EEFSEC: variants seen among roughly 807,000 people sequenced by gnomAD.
EEFSEC encodes selenocysteine-specific elongation factor.
EEFSEC carries 43 observed loss-of-function variants against 42.1 expected under a neutral mutation model. The observed-to-expected ratio is 1.02, with a 90% CI of 0.80 to 1.32. The LOEUF (loss-of-function observed/expected upper bound fraction) is 1.32. EEFSEC is among the 40% of genes most tolerant of loss of function. EEFSEC has a pLI of 0.00. For missense variants in EEFSEC, 745 were observed against 803.6 expected, an observed-to-expected ratio of 0.93 and a Z score of 0.88; for synonymous variants, 354 against 339.1, an observed-to-expected ratio of 1.04 and a Z score of -0.48.
chr3:128,425,416 C>T, the EEFSEC span, among the ~76,000 whole-genome samples: 3 of 152,022 alleles, frequency 2.0e-5, no homozygotes, highest in East Asian at 5.8e-4. Context: ...GAAGGACACT[C>T]GGGCTGCTTC....
intron 2 of EEFSEC, 147 bp from the exon 3 acceptor site, chr3:128,261,981 C>T (rs865844139): frequency 2.7e-6 from 2 of 730,856 alleles, no homozygotes; most frequent in African/African-American, 1.8e-5. Flanking sequence ...TGTGCTAGTA[C>T]AGTGGTGCTG....
rs780390407 is a variant in EEFSEC, at chr3:128,362,292, G to A, written c.1600+3919G>A. 42 of 493,468 alleles carry A rather than the reference G, an allele frequency of 8.5e-5. 2 individuals are homozygous for A. The Admixed American group carries it at 8.8e-4, about 10-fold the overall frequency. The allele number at this position is 493,468 out of a possible 1,614,324, so 30.6% of individuals were successfully genotyped here. A position where few individuals can be genotyped will look rare whatever the true frequency, so the allele number is the denominator to read the frequency against. ...GCCCCTCCTGTTCCCACTTTGCAGG[G>A]AGAAAAGAACACCTTGATGACTCCC... On this transcript the variant is annotated intron_variant, in intron 6 of 6. Coordinates refer to ENST00000254730, the MANE Select transcript of EEFSEC (RefSeq NM_021937.5).
chr3:128,377,543 G>A (rs1193463464), intron 6 of EEFSEC, among the ~76,000 whole-genome samples: 2 of 152,258 alleles, frequency 1.3e-5, no homozygotes, highest in African/African-American at 4.8e-5. Flanking sequence ...GCTGTGTTCA[G>A]TCATGTGGCC....
At chr3:128,282,007 G>C (rs891976289) in intron 4 of EEFSEC, among the ~76,000 whole-genome samples, 2 of 152,192 alleles carry the variant, frequency 1.3e-5, no homozygotes, top group South Asian at 2.1e-4. Context: ...CCTGCCTTGG[G>C]AACTTGGCTG....
intron 4 of EEFSEC, among the ~76,000 whole-genome samples, chr3:128,290,294 T>C (rs1329679120): frequency 1.3e-5 from 2 of 152,124 alleles, no homozygotes; most frequent in African/African-American, 2.4e-5. Context: ...GTTTTTTTTT[T>C]CCTCATATAT....
chr3:128,259,227 C>G (rs945541619), intron 2 of EEFSEC, among the ~76,000 whole-genome samples: 15 of 152,242 alleles, frequency 9.9e-5, no homozygotes, highest in Middle Eastern at 3.4e-3. Context: ...TTAGAGCAAG[C>G]CTCAGTGTCA....
intron 1 of EEFSEC, among the ~76,000 whole-genome samples, chr3:128,187,370 G>A (rs1374941955): frequency 6.6e-6 from 1 of 152,226 alleles, no homozygotes; most frequent in Admixed American, 6.5e-5. Context: ...CTAGACCAGA[G>A]AGAAGGCTGG....
chr3:128,358,517 G>A (rs1047045919), intron 6 of EEFSEC, 144 bp downstream of exon 6: 16 of 1,204,094 alleles, frequency 1.3e-5, no homozygotes, highest in Middle Eastern at 2.8e-4. Flanking sequence ...CTGCCTGGCA[G>A]CATGGCCTCT....
intron 4 of EEFSEC, among the ~76,000 whole-genome samples, chr3:128,274,360 C>A (rs1576598506): frequency 6.6e-6 from 1 of 152,222 alleles, no homozygotes; most frequent in East Asian, 1.9e-4. Context: ...AGAGCACGCA[C>A]GCATGTGGGC....
chr3:128,281,788 C>T (rs1483106414), intron 4 of EEFSEC, among the ~76,000 whole-genome samples: 1 of 152,082 alleles, frequency 6.6e-6, no homozygotes, highest in Non-Finnish European at 1.5e-5. Context: ...GGGCCCTGTG[C>T]GGGGGTTTTG....
intron 1 of EEFSEC, among the ~76,000 whole-genome samples, chr3:128,222,200 AT>A (rs2065868618): frequency 6.6e-6 from 1 of 151,770 alleles, no homozygotes. Flanking sequence ...CAGCCAGCTA[AT>A]TTTTGTATAT....
At chr3:128,300,478 A>G (rs1335789014) in intron 4 of EEFSEC, among the ~76,000 whole-genome samples, 1 of 141,504 alleles carries the variant, frequency 7.1e-6, no homozygotes, top group Non-Finnish European at 1.5e-5. Flanking sequence ...CTGTAGTCCC[A>G]GCTACTCAGG....
intron 4 of EEFSEC, among the ~76,000 whole-genome samples, chr3:128,340,221 G>C (rs2067235147): frequency 6.6e-6 from 1 of 152,108 alleles, no homozygotes; most frequent in Non-Finnish European, 1.5e-5. Context: ...TCACACAGCT[G>C]TCTGCTTCTT....
chr3:128,218,683 G>A (rs918624969), intron 1 of EEFSEC, among the ~76,000 whole-genome samples: 6 of 152,134 alleles, frequency 3.9e-5, no homozygotes, highest in African/African-American at 1.2e-4. Context: ...TCAGGAGCAG[G>A]GACTCAGCCC....
At position 128,174,327 on chromosome 3, in the gene EEFSEC, G is replaced by A. The variant is rs554933521; in HGVS notation, c.316+20504G>A. Among the ~76,000 whole-genome samples the A allele has an allele frequency of 3.5e-4, 54 of 152,356 alleles. No individual in the cohort carries two copies. In the Middle Eastern group the frequency reaches 0.014, roughly 38 times the overall value. On this transcript the variant is annotated intron_variant, in intron 1 of 6. Transcript: ENST00000254730. Reference sequence around the variant, plus strand: ...GAGTTGAATCCCAGTGTACTAGGTGGCGTTCTCTTGCATTGTAGTAGGCAT... The same window carrying A: ...GAGTTGAATCCCAGTGTACTAGGTGACGTTCTCTTGCATTGTAGTAGGCAT...
chr3:128,351,903 A>AACTGTAACTG (rs2067390407), intron 5 of EEFSEC, among the ~76,000 whole-genome samples: 1 of 152,224 alleles, frequency 6.6e-6, no homozygotes, highest in South Asian at 2.1e-4. Context: ...GCTGGCCTGG[A>AACTGTAACTG]TTCAGGACTG....
intron 5 of EEFSEC, among the ~76,000 whole-genome samples, chr3:128,354,205 C>T (rs983508559): frequency 1.3e-5 from 2 of 152,134 alleles, no homozygotes; most frequent in Non-Finnish European, 2.9e-5. Flanking sequence ...GTGCCTCCCC[C>T]ACAAATGGAA....
chr3:128,227,104 C>T (rs1277926538), intron 1 of EEFSEC, among the ~76,000 whole-genome samples: 1 of 152,198 alleles, frequency 6.6e-6, no homozygotes, highest in Non-Finnish European at 1.5e-5. Flanking sequence ...GCAGTGTGTT[C>T]CTGCTGCTCC....
At chr3:128,233,091 C>T (rs1309127103) in intron 1 of EEFSEC, among the ~76,000 whole-genome samples, 1 of 152,222 alleles carries the variant, frequency 6.6e-6, no homozygotes, top group Non-Finnish European at 1.5e-5. Context: ...GAAGGTCATG[C>T]ATTTTCCAGT....
Sources: gnomAD v4.1 joint callset for allele counts (sites outside exome capture counted in the v4.1 genomes callset) on GRCh38, gnomAD v4.1.1 for gene constraint, MANE v1.5 for transcripts, NCBI Gene and HGNC (gene_info 2026-07-23, HGNC 2026-07-21) for gene names.